The following SYT1 variants were observed in gnomAD, a reference collection of about 807,000 sequenced individuals.
The protein encoded by SYT1 is synaptotagmin 1.
In SYT1, 8 loss-of-function variants were observed where a neutral mutation model predicts 44.8. The ratio of observed to expected loss-of-function variants is 0.18; its 90% CI spans 0.10 to 0.32. The LOEUF is 0.32. Among genes scored for constraint, SYT1 ranks in the 10% least tolerant of loss-of-function variants. The pLI, the probability that SYT1 is intolerant of heterozygous loss-of-function variation, is 1.00. For synonymous variants in SYT1, 154 were observed against 188.8 expected (o/e 0.82, Z 1.51); for missense variants, 286 against 509.3 (o/e 0.56, Z 4.22).
At chr12:79,235,503 G>C (rs4842447) in intron 4 of SYT1, among the ~76,000 whole-genome samples, 104,002 of 151,488 alleles carry the variant, frequency 0.69, 36,076 homozygotes, top group Admixed American at 0.72. Flanking sequence ...TGATAAGTTA[G>C]GATTTTTCAA....
intron 3 of SYT1, among the ~76,000 whole-genome samples, chr12:79,162,610 A>G (rs962299178): frequency 6.6e-6 from 1 of 152,078 alleles, no homozygotes; most frequent in Admixed American, 6.6e-5. Flanking sequence ...AATGTAACCT[A>G]GTATTGCATT....
At position 79,212,123 on chromosome 12, in the gene SYT1, A is replaced by C. The variant is rs184996496; in HGVS notation, c.-17-5380A>C. On this transcript the variant is annotated intron_variant, in intron 3 of 10. Coordinates refer to ENST00000261205, the MANE Select transcript of SYT1 (RefSeq NM_005639.3). Reference sequence around the variant, plus strand: ...CTTGGAACCAACCAAAATACCCATCAATGATAGAGTGGATAAAGAAAATGT... The same window carrying C: ...CTTGGAACCAACCAAAATACCCATCCATGATAGAGTGGATAAAGAAAATGT... Among the ~76,000 whole-genome samples the C allele has an allele frequency of 1.4e-3, 214 of 152,298 alleles. 3 individuals are homozygous for C. Among genetic ancestry groups the C allele is most frequent in the Non-Finnish European group, 2.8e-4 (19 of 68,024 alleles).
chr12:78,925,292 G>A (rs930463101), intron 1 of SYT1, among the ~76,000 whole-genome samples: 3 of 151,978 alleles, frequency 2.0e-5, no homozygotes, highest in Non-Finnish European at 4.4e-5. Context: ...ATAGAAACTA[G>A]TTTCCAAACT....
intron 9 of SYT1, among the ~76,000 whole-genome samples, chr12:79,368,503 C>T (rs1489240757): frequency 1.1e-4 from 17 of 150,298 alleles, no homozygotes; most frequent in African/African-American, 4.1e-4. Context: ...AACTAGTTTA[C>T]AGTCCCACCA....
chr12:79,013,850 G>A (rs916163414), intron 2 of SYT1, among the ~76,000 whole-genome samples: 9 of 152,110 alleles, frequency 5.9e-5, no homozygotes, highest in East Asian at 3.9e-4. Context: ...CCTTCAGGCC[G>A]GACGCCGTGG....
At chr12:79,209,356 G>A (rs1000021074) in intron 3 of SYT1, among the ~76,000 whole-genome samples, 2 of 152,124 alleles carry the variant, frequency 1.3e-5, no homozygotes, top group Non-Finnish European at 2.9e-5. Flanking sequence ...TTTCAGAGTA[G>A]GTGTTATAGG....
At chr12:79,426,508 T>A (rs557516923) in intron 9 of SYT1, among the ~76,000 whole-genome samples, 5 of 152,352 alleles carry the variant, frequency 3.3e-5, no homozygotes, top group African/African-American at 9.6e-5. Flanking sequence ...AAACATTCCA[T>A]GGCTTTATTC....
intron 1 of SYT1, among the ~76,000 whole-genome samples, chr12:78,971,447 T>TA (rs902266827): frequency 1.3e-5 from 2 of 151,562 alleles, no homozygotes; most frequent in East Asian, 1.9e-4. Context: ...TTAGAAATAA[T>TA]AAAAAAAAGA....
chr12:79,087,837 A>C (rs1877485125), intron 3 of SYT1, among the ~76,000 whole-genome samples: 1 of 152,140 alleles, frequency 6.6e-6, no homozygotes, highest in Admixed American at 6.6e-5. Context: ...AACAATTTGC[A>C]TGGGGCTTTA....
intron 3 of SYT1, among the ~76,000 whole-genome samples, chr12:79,215,690 A>G (rs1404255252): frequency 1.3e-5 from 2 of 152,068 alleles, no homozygotes; most frequent in Admixed American, 1.3e-4. Flanking sequence ...GCAAGACCCT[A>G]TCTCATAAAA....
chr12:79,090,090 T>G (rs1877666257), intron 3 of SYT1, among the ~76,000 whole-genome samples: 1 of 152,090 alleles, frequency 6.6e-6, no homozygotes. Flanking sequence ...ACTTGTCTTT[T>G]CAATAAGAGC....
chr12:78,913,798 T>C (rs761346918), intron 1 of SYT1, among the ~76,000 whole-genome samples: 3 of 151,906 alleles, frequency 2.0e-5, no homozygotes, highest in Non-Finnish European at 4.4e-5. Flanking sequence ...ATATAGATGG[T>C]GAACAAATCA....
At chr12:78,871,574 T>C (rs1427562680) in intron 1 of SYT1, among the ~76,000 whole-genome samples, 3 of 152,018 alleles carry the variant, frequency 2.0e-5, no homozygotes, top group Non-Finnish European at 4.4e-5. Context: ...TTTAGACAAA[T>C]GATTTATTGG....
At chr12:78,865,567 G>C (rs1050450810) in intron 1 of SYT1, among the ~76,000 whole-genome samples, 1 of 19,764 alleles carries the variant, frequency 5.1e-5, no homozygotes, top group East Asian at 1.4e-3. Flanking sequence ...AGGGATATGG[G>C]GGGGGGGGGG....
At chr12:79,009,772 C>G (rs866677656) in intron 2 of SYT1, among the ~76,000 whole-genome samples, 28 of 152,196 alleles carry the variant, frequency 1.8e-4, no homozygotes, top group Middle Eastern at 6.8e-3. Context: ...CTTTGTTTCC[C>G]CATCAATATC....
intron 9 of SYT1, among the ~76,000 whole-genome samples, chr12:79,357,438 AC>A (rs1248246939): frequency 3.9e-5 from 6 of 152,218 alleles, no homozygotes. Context: ...ATAAACACAA[AC>A]CTAGATGGTG....
Position 79,374,965 on chromosome 12 carries a change from A to G in SYT1, c.928+21346A>G, listed in dbSNP as rs181402284. Among the ~76,000 whole-genome samples the G allele has an allele frequency of 5.3e-4, 80 of 152,340 alleles. No individual in the cohort carries two copies. The East Asian group carries it at 0.014, about 27-fold the overall frequency. ...AGGCCACATGGTCTCTCGCAACTAA[A>G]TATTCAACTCTATTGCAACACAAAA... On this transcript the variant is annotated intron_variant, in intron 9 of 10. Transcript: ENST00000261205.
At chr12:79,283,628 C>T (rs1879159845) in intron 4 of SYT1, among the ~76,000 whole-genome samples, 1 of 152,134 alleles carries the variant, frequency 6.6e-6, no homozygotes, top group South Asian at 2.1e-4. Flanking sequence ...CATACACTCT[C>T]TTGTTCATGC....
chr12:79,089,744 T>C (rs1052900799), intron 3 of SYT1, among the ~76,000 whole-genome samples: 2 of 152,054 alleles, frequency 1.3e-5, no homozygotes, highest in African/African-American at 4.8e-5. Flanking sequence ...ATACCAGAAT[T>C]GAGAGCAAAC....
Sources: allele counts gnomAD v4.1 joint callset (sites outside exome capture counted in the v4.1 genomes callset), GRCh38; gene constraint gnomAD v4.1.1; transcripts MANE v1.5; gene names NCBI Gene and HGNC (gene_info 2026-07-23, HGNC 2026-07-21).